Variants in NFIA observed in about 807,000 individuals in gnomAD.
NFIA encodes the protein nuclear factor 1 A-type.
A neutral mutation model predicts 62.8 loss-of-function variants in NFIA; 8 were observed. The observed-to-expected ratio is 0.13, with a 90% CI of 0.07 to 0.23. The LOEUF (loss-of-function observed/expected upper bound fraction) is 0.23. Among genes scored for constraint, NFIA ranks in the 10% least tolerant of loss-of-function variants. The probability of loss-of-function intolerance (pLI) is 1.00; values close to 1 mark genes in which losing one functional copy is unlikely to be tolerated. For synonymous variants in NFIA, 235 were observed against 238.1 expected (o/e 0.99, Z 0.12); for missense variants, 410 against 642.1 (o/e 0.64, Z 3.91).
intron 10 of NFIA, among the ~76,000 whole-genome samples, chr1:61,435,483 CT>C (rs1667285501): frequency 6.6e-6 from 1 of 152,178 alleles, no homozygotes; most frequent in East Asian, 1.9e-4. Context: ...AGTATGCTGC[CT>C]CTTCAGCCTC....
intron 2 of NFIA, among the ~76,000 whole-genome samples, chr1:61,204,417 T>C (rs1176552510): frequency 6.6e-6 from 1 of 152,230 alleles, no homozygotes; most frequent in Non-Finnish European, 1.5e-5. Context: ...ATTTAGAGCA[T>C]GGATGTAAAT....
chr1:61,210,839 C>A (rs1653204791), intron 2 of NFIA, among the ~76,000 whole-genome samples: 1 of 152,204 alleles, frequency 6.6e-6, no homozygotes, highest in Non-Finnish European at 1.5e-5. Flanking sequence ...ACAGGCAACA[C>A]TCAGGTGGAC....
intron 2 of NFIA, among the ~76,000 whole-genome samples, chr1:61,235,728 G>A (rs918800224): frequency 2.7e-5 from 4 of 149,738 alleles, no homozygotes; most frequent in Non-Finnish European, 4.4e-5. Context: ...TGGGAGGATC[G>A]CTTGAACCTG....
chr1:61,432,896 C>T (rs756360265), intron 10 of NFIA, among the ~76,000 whole-genome samples: 3 of 152,198 alleles, frequency 2.0e-5, no homozygotes, highest in Admixed American at 6.5e-5. Flanking sequence ...TGCCTACACT[C>T]GCTGCAGTAC....
chr1:61,189,471 C>T (rs1391486773), intron 2 of NFIA, among the ~76,000 whole-genome samples: 1 of 152,066 alleles, frequency 6.6e-6, no homozygotes, highest in Non-Finnish European at 1.5e-5. Context: ...TCGAGACTAT[C>T]CTGGCCAACA....
chr1:61,406,600 C>T lies in NFIA; in HGVS notation c.1293C>T (p.Phe431=). 1 of 1,481,000 alleles carries T rather than the reference C, an allele frequency of 6.8e-7. No homozygotes were observed. Among genetic ancestry groups the T allele is most frequent in the South Asian group, 1.1e-5 (1 of 88,326 alleles). 91.7% of individuals were successfully genotyped at this position (1,481,000 alleles called of 1,614,324 possible). A position where few individuals can be genotyped will look rare whatever the true frequency, so the allele number is the denominator to read the frequency against. Residue 431 remains phenylalanine (F), a synonymous_variant, in exon 9 of 11, where the codon TTC becomes TTT. Transcript: ENST00000403491. ...GCCAAGGCAAGGTGCACAACCCATT[C>T]CTTCCCACCCCAATGTTGCCACCGC... is the stretch of plus-strand genomic sequence containing the variant. ...GSSQGKVHNP[F]LPTPMLPPPP...
rs2147961996 is a variant in NFIA, at chr1:61,460,315, T to C, written c.*4995T>C. ...GTGGGATGAAAATTGCTTTGATATA[T>C]AGCAGGTAACATTGAAGCTATTCCA... is the stretch of plus-strand genomic sequence containing the variant. On this transcript the variant is annotated 3_prime_UTR_variant, in exon 11 of 11. Coordinates refer to ENST00000403491, the MANE Select transcript of NFIA (RefSeq NM_001134673.4). 1 of 152,378 alleles carries C rather than the reference T, an allele frequency of 6.6e-6. No individual in the cohort carries two copies. The highest frequency in any genetic ancestry group is 2.1e-4 in the South Asian group (1 of 4,830). 9.4% of individuals were successfully genotyped at this position (152,378 alleles called of 1,614,324 possible).
At chr1:61,171,021 G>T (rs1649930552) in intron 2 of NFIA, among the ~76,000 whole-genome samples, 1 of 152,206 alleles carries the variant, frequency 6.6e-6, no homozygotes, top group African/African-American at 2.4e-5. Flanking sequence ...GCATGTGTGT[G>T]TGTGTGTGTT....
In NFIA at chr1:61,088,314, C is replaced by A; in HGVS notation, c.193C>A (p.Pro65Thr). The A allele has an allele frequency of 6.2e-7, 1 of 1,613,158 alleles. No individual in the cohort carries two copies. The highest frequency in any genetic ancestry group is 1.1e-5 in the South Asian group (1 of 91,014). The change falls in exon 2 of 11, where the codon CCA becomes ACA. Residue 65 changes from proline (P) to threonine (T), a missense_variant. Physicochemically the swap from Pro to Thr is conservative, Grantham distance 38. Around this residue, in one of 3 missense-constraint regions of NFIA, gnomAD observed 86 missense variants for 124.6 expected, o/e 0.69. Transcript: ENST00000403491. This position sits in a 1 kb window ranked among gnomAD's most constrained non-coding sequence, Gnocchi z 4.5. The stretch of plus-strand genomic sequence containing the variant: ...GAAGGATGAATTGCTAAGTGAAAAA[C>A]CAGAGGTCAAGCAGAAGTGGGCATC... Reference protein sequence around the residue: ...AVKDELLSEKPEVKQKWASRL... With the variant: ...AVKDELLSEKTEVKQKWASRL...
chr1:61,356,675 A>G (rs1327663518), intron 5 of NFIA, among the ~76,000 whole-genome samples: 1 of 152,176 alleles, frequency 6.6e-6, no homozygotes, highest in Non-Finnish European at 1.5e-5. Context: ...TTCAGTGGCT[A>G]TTTTTCATTG....
intron 4 of NFIA, among the ~76,000 whole-genome samples, chr1:61,347,915 C>T (rs149032054): frequency 8.1e-4 from 123 of 152,194 alleles, no homozygotes; most frequent in African/African-American, 2.8e-3. Flanking sequence ...TTTTTGTAAT[C>T]GAGGACAAGT....
chr1:61,268,788 A>T (rs1194563474), intron 2 of NFIA, among the ~76,000 whole-genome samples: 1 of 152,156 alleles, frequency 6.6e-6, no homozygotes, highest in Non-Finnish European at 1.5e-5. Context: ...CTCTGGGCTC[A>T]AGATTTTGCA....
rs114652086 is a variant in NFIA at position 61,428,338 on chromosome 1, G to A, written c.1512+1782G>A. On this transcript the variant is annotated intron_variant, in intron 10 of 10. Coordinates refer to ENST00000403491, the MANE Select transcript of NFIA (RefSeq NM_001134673.4). ...AAAATCCAGATTTTCCACGCATCTG[G>A]ATGAATGATGTCATGTAGGCCCAGT... is the stretch of plus-strand genomic sequence containing the variant. 5.4e-3 allele frequency among the ~76,000 whole-genome samples: 820 copies of A among 150,934 alleles called. 14 individuals are homozygous for A. The highest frequency in any genetic ancestry group is 0.018 in the African/African-American group (758 of 41,198).
intron 7 of NFIA, among the ~76,000 whole-genome samples, chr1:61,393,290 T>TCTCTCTCTCTCC (rs1343271825): frequency 1.3e-4 from 8 of 63,590 alleles, no homozygotes; most frequent in Non-Finnish European, 2.0e-4. Flanking sequence ...TCTCTCTCTC[T>TCTCTCTCTCTCC]CCCTCTTTCT....
At chr1:61,271,544 G>A (rs920041691) in intron 2 of NFIA, among the ~76,000 whole-genome samples, 10 of 152,226 alleles carry the variant, frequency 6.6e-5, no homozygotes, top group African/African-American at 2.4e-4. Context: ...TGACTAAGGG[G>A]TGGATCTCCA....
intron 6 of NFIA, among the ~76,000 whole-genome samples, chr1:61,382,627 T>C (rs1664476980): frequency 6.6e-6 from 1 of 152,230 alleles, no homozygotes; most frequent in African/African-American, 2.4e-5. Flanking sequence ...TGCCACATCA[T>C]TACTCTTTTA....
intron 7 of NFIA, among the ~76,000 whole-genome samples, chr1:61,395,323 A>C (rs1224988455): frequency 6.7e-6 from 1 of 149,884 alleles, no homozygotes; most frequent in Non-Finnish European, 1.5e-5. Flanking sequence ...AAAGACTTGC[A>C]ACAGCCTAGA....
chr1:61,230,777 A>G (rs929335602), intron 2 of NFIA, among the ~76,000 whole-genome samples: 1 of 152,220 alleles, frequency 6.6e-6, no homozygotes, highest in Non-Finnish European at 1.5e-5. Context: ...CTGGGTTGCC[A>G]TGCTTACAGT....
intron 3 of NFIA, among the ~76,000 whole-genome samples, chr1:61,308,743 T>C (rs1572268): frequency 0.037 from 5,607 of 152,304 alleles, 119 homozygotes; most frequent in Admixed American, 0.081. Flanking sequence ...AACTTTCAGA[T>C]TTCTTTGCAG....
Sources: allele counts gnomAD v4.1 joint callset (sites outside exome capture counted in the v4.1 genomes callset), GRCh38; gene constraint gnomAD v4.1.1; regional missense constraint gnomAD v4.1.1; non-coding constraint Gnocchi (gnomAD v3.1); transcripts MANE v1.5; gene names NCBI Gene and HGNC (gene_info 2026-07-23, HGNC 2026-07-21).